Variants in MEGF11 observed in about 807,000 individuals in gnomAD.
The protein encoded by MEGF11 is multiple EGF like domains 11.
MEGF11 carries 126 observed loss-of-function variants against 146.6 expected under a neutral mutation model. That is an observed-to-expected ratio of 0.86 (90% CI 0.74 to 1.00). The LOEUF is 1.00. Ranked by LOEUF, MEGF11 falls within the 50% of genes least tolerant of loss-of-function variation. The probability of loss-of-function intolerance (pLI) is 0.00; values close to 1 mark genes in which losing one functional copy is unlikely to be tolerated. For synonymous variants in MEGF11, 532 were observed against 583.4 expected (o/e 0.91, Z 1.27); for missense variants, 1,509 against 1,521.2 (o/e 0.99, Z 0.13).
chr15:66,079,882 C>G (rs918630169), intron 5 of MEGF11, among the ~76,000 whole-genome samples: 4 of 152,192 alleles, frequency 2.6e-5, no homozygotes, highest in African/African-American at 9.6e-5. Flanking sequence ...TGATCCTCAT[C>G]CTGACAAAGG....
intron 1 of MEGF11, among the ~76,000 whole-genome samples, chr15:66,138,493 A>G (rs1432826259): frequency 6.6e-6 from 1 of 152,254 alleles, no homozygotes; most frequent in Non-Finnish European, 1.5e-5. Flanking sequence ...AGATTTTTAA[A>G]GCAATTTATT....
At chr15:66,185,221 C>T (rs1186597242) in intron 1 of MEGF11, among the ~76,000 whole-genome samples, 2 of 152,096 alleles carry the variant, frequency 1.3e-5, no homozygotes, top group East Asian at 3.9e-4. Flanking sequence ...CTCCCTGCAC[C>T]CTCCTCCCAC....
rs2082610033 is a variant in MEGF11, at chr15:66,008,826, A to AG, written c.395-26339dup. ...ACAACAGAACAAGACTCTGTCTCTT[A>AG]GAAAAAAAAAAAAAATAGTTAAAGG... is the stretch of plus-strand genomic sequence containing the variant. On this transcript the variant is annotated intron_variant, in intron 5 of 25. Coordinates refer to ENST00000395614, the MANE Select transcript of MEGF11 (RefSeq NM_001385028.1). 1.2e-4 allele frequency among the ~76,000 whole-genome samples: 4 copies of AG among 34,180 alleles called. No individual in the cohort carries two copies. In the Admixed American group the frequency reaches 1.5e-3, roughly 13 times the overall value. The allele number at this position is 34,180 out of a possible 152,430, so 22.4% of individuals were successfully genotyped here. A position where few individuals can be genotyped will look rare whatever the true frequency, so the allele number is the denominator to read the frequency against.
chr15:65,982,303 C>T lies in MEGF11; in HGVS notation c.580G>A (p.Gly194Ser), dbSNP rs754832210. ...CCGGCGCGGGGGTCGCAGCTGGCAC[C>T]GTGTCGGCACTGGCACGGCAGCTGG... ...GCQLPCQCRH[G>S]ASCDPRAGEC... Residue 194 changes from glycine (G) to serine (S), a missense_variant, in exon 6 of 26, where the codon GGT (glycine) becomes AGT (serine). Physicochemically the swap from Gly to Ser is moderately conservative, Grantham distance 56. Coordinates refer to ENST00000395614, the MANE Select transcript of MEGF11 (RefSeq NM_001385028.1). The surrounding 1 kb of genome is among the most constrained non-coding windows in gnomAD (Gnocchi z 5.6). 1.4e-5 allele frequency: 21 copies of T among 1,538,576 alleles called. No individual in the cohort carries two copies. The Admixed American group carries it at 3.5e-4, about 26-fold the overall frequency.
At position 66,128,311 on chromosome 15, in the gene MEGF11, C is replaced by T. The variant is rs1007148092; in HGVS notation, c.93G>A (p.Trp31Ter). Residue 31 changes from tryptophan (W) to a stop codon, truncating the protein, a stop_gained, in exon 2 of 26, where the codon TGG (tryptophan) becomes TGA (stop). Coordinates refer to ENST00000395614, the MANE Select transcript of MEGF11 (RefSeq NM_001385028.1). LOFTEE classifies it high-confidence loss of function. ...ATCTGAGGCCCACACCTTACCTCTC[C>T]CAGTGGCTGCACACGTTGGGGTCCT... ...NPEDPNVCSH[W>*]ESYAVTVQES... 1.3e-6 allele frequency: 2 copies of T among 1,509,718 alleles called. No homozygotes were observed. The highest frequency in any genetic ancestry group is 1.3e-5 in the South Asian group (1 of 77,354). 93.5% of individuals were successfully genotyped at this position (1,509,718 alleles called of 1,614,324 possible).
chr15:66,074,076 T>C (rs1234578519), intron 5 of MEGF11, among the ~76,000 whole-genome samples: 1 of 152,228 alleles, frequency 6.6e-6, no homozygotes, highest in Non-Finnish European at 1.5e-5. Context: ...ATGAAAAACA[T>C]TACCCGGTTG....
intron 1 of MEGF11, among the ~76,000 whole-genome samples, chr15:66,191,110 G>A (rs1055229435): frequency 1.3e-5 from 2 of 152,132 alleles, no homozygotes; most frequent in African/African-American, 2.4e-5. Context: ...AAGATGGAAG[G>A]CTGCCTCTGA....
chr15:65,968,516 A>G (rs1452334918), intron 8 of MEGF11, among the ~76,000 whole-genome samples: 1 of 152,174 alleles, frequency 6.6e-6, no homozygotes, highest in Non-Finnish European at 1.5e-5. Context: ...CCCCAGAAAA[A>G]CAATCTGGAA....
At chr15:66,221,746 T>C (rs1450236683) in intron 1 of MEGF11, among the ~76,000 whole-genome samples, 2 of 152,162 alleles carry the variant, frequency 1.3e-5, no homozygotes, top group African/African-American at 4.8e-5. Flanking sequence ...CTTCCTACTA[T>C]AATTTTGCCT....
chr15:65,944,928 T>C lies in MEGF11; in HGVS notation c.1287+12619A>G, dbSNP rs1192430509. Among the ~76,000 whole-genome samples the C allele has an allele frequency of 2.0e-5, 3 of 147,502 alleles. No homozygotes were observed. In the Admixed American group the frequency reaches 2.0e-4, roughly 10 times the overall value. ...TTTTTTTTTTTTTTGAGATGGAGTC[T>C]CACTCTGTCACCCAGGCTGGAGTGC... is the stretch of plus-strand genomic sequence containing the variant. On this transcript the variant is annotated intron_variant, in intron 10 of 25. Transcript: ENST00000395614.
chr15:65,897,959 C>T lies in MEGF11; in HGVS notation c.3398G>A (p.Gly1133Glu). 1 of 1,613,956 alleles carries T rather than the reference C, an allele frequency of 6.2e-7. No homozygotes were observed. The highest frequency in any genetic ancestry group is 8.5e-7 in the Non-Finnish European group (1 of 1,179,866). ...TTAAGATTGCTTGTCCTGGGACGGC[C>T]CATTGGCAGGGCTCTGTCTTACTGG... is the stretch of plus-strand genomic sequence containing the variant. The part of the protein sequence containing the change: ...LLPVRQSPAN[G>E]PSQDKQS Residue 1133 changes from glycine (G) to glutamate (E), a missense_variant, in exon 26 of 26, where the codon GGG becomes GAG. Transcript: ENST00000395614.
At chr15:66,061,277 G>C (rs548186375) in intron 5 of MEGF11, among the ~76,000 whole-genome samples, 2 of 152,338 alleles carry the variant, frequency 1.3e-5, no homozygotes, top group African/African-American at 4.8e-5. Flanking sequence ...CTGAGGCCCA[G>C]GGAGTGCAGG....
intron 1 of MEGF11, among the ~76,000 whole-genome samples, chr15:66,172,423 G>A (rs2090285267): frequency 6.6e-6 from 1 of 152,182 alleles, no homozygotes; most frequent in Non-Finnish European, 1.5e-5. Context: ...CGGCAGCCTT[G>A]CCCTCTGCTT....
intron 5 of MEGF11, among the ~76,000 whole-genome samples, chr15:66,001,863 G>A (rs778832171): frequency 1.3e-5 from 2 of 152,132 alleles, no homozygotes; most frequent in African/African-American, 2.4e-5. Flanking sequence ...AGGAAGCCAG[G>A]CCCTGAGTGA....
chr15:65,941,787 A>G (rs1858624573), intron 10 of MEGF11, among the ~76,000 whole-genome samples: 1 of 152,248 alleles, frequency 6.6e-6, no homozygotes, highest in Non-Finnish European at 1.5e-5. Flanking sequence ...TTTGCACAGT[A>G]TATGCATGAT....
At chr15:66,138,107 C>T (rs1243213329) in intron 1 of MEGF11, among the ~76,000 whole-genome samples, 1 of 151,974 alleles carries the variant, frequency 6.6e-6, no homozygotes, top group African/African-American at 2.4e-5. Flanking sequence ...ATTTTGAAAA[C>T]AAAAAAGGGA....
At chr15:66,244,165 T>C (rs1289873490) in intron 1 of MEGF11, among the ~76,000 whole-genome samples, 1 of 152,114 alleles carries the variant, frequency 6.6e-6, no homozygotes, top group Non-Finnish European at 1.5e-5. Flanking sequence ...ACAATGGTGG[T>C]CCTTGCTATG....
chr15:65,906,094 C>T lies in MEGF11; in HGVS notation c.3046G>A (p.Gly1016Ser), dbSNP rs1307925658. The T allele has an allele frequency of 5.6e-6, 9 of 1,610,800 alleles. No individual in the cohort carries two copies. The highest frequency in any genetic ancestry group is 2.2e-5 in the East Asian group (1 of 44,866). ...RRQNTYIMDK[G>S]FKDYMKESVC... ...GGATTGGATACTCTACCTTTGAAGC[C>T]TTTGTCCATAATGTATGTGTTCTGA... Residue 1016 changes from glycine (G) to serine (S), a missense_variant, in exon 24 of 26, where the codon GGC becomes AGC. By Grantham distance (56) the Gly-to-Ser change is moderately conservative (BLOSUM62 0). Coordinates refer to ENST00000395614, the MANE Select transcript of MEGF11 (RefSeq NM_001385028.1).
chr15:66,185,667 G>T (rs2090675222), intron 1 of MEGF11, among the ~76,000 whole-genome samples: 1 of 152,136 alleles, frequency 6.6e-6, no homozygotes, highest in African/African-American at 2.4e-5. Flanking sequence ...GTGGGGAGGT[G>T]GTAGGGGAGG....
Sources: gnomAD v4.1 joint callset for allele counts (sites outside exome capture counted in the v4.1 genomes callset) on GRCh38, gnomAD v4.1.1 for gene constraint, Gnocchi (gnomAD v3.1) non-coding constraint, MANE v1.5 for transcripts, NCBI Gene and HGNC (gene_info 2026-07-23, HGNC 2026-07-21) for gene names.